The following FOXO1 variants were observed in gnomAD, a reference collection of about 807,000 sequenced individuals.
FOXO1 encodes forkhead box protein O1.
A neutral mutation model predicts 44.1 loss-of-function variants in FOXO1; 6 were observed. The ratio of observed to expected loss-of-function variants is 0.14; its 90% CI spans 0.07 to 0.27. The LOEUF (loss-of-function observed/expected upper bound fraction) is 0.27, where lower values mean the gene tolerates loss of function less well. Among genes scored for constraint, FOXO1 ranks in the 10% least tolerant of loss-of-function variants. The pLI is 1.00. For synonymous variants in FOXO1, 380 were observed against 362.7 expected (o/e 1.05, Z -0.54); for missense variants, 737 against 888.8 (o/e 0.83, Z 2.17).
chr13:40,558,025 C>T lies in FOXO1; in HGVS notation c.*1024G>A, dbSNP rs1030799429. On this transcript the variant is annotated 3_prime_UTR_variant, in exon 3 of 3. Coordinates refer to ENST00000379561, the MANE Select transcript of FOXO1 (RefSeq NM_002015.4). ...TTTCCTGCCCAACCAGGGCCTGAAA[C>T]GTTGAATATGCAAGTACTAATTACA... 3.3e-5 allele frequency: 5 copies of T among 152,604 alleles called. No individual in the cohort carries two copies. The highest frequency in any genetic ancestry group is 6.5e-5 in the Admixed American group (1 of 15,282). The allele number at this position is 152,604 out of a possible 1,614,324, so 9.5% of individuals were successfully genotyped here.
chr13:40,613,731 CA>C, intron 1 of FOXO1, among the ~76,000 whole-genome samples: 1 of 152,316 alleles, frequency 6.6e-6, no homozygotes, highest in East Asian at 1.9e-4. Context: ...GTCACTTGAA[CA>C]AACACAAGCG....
chr13:40,581,184 C>T (rs1372222029), intron 1 of FOXO1, among the ~76,000 whole-genome samples: 1 of 152,164 alleles, frequency 6.6e-6, no homozygotes, highest in Non-Finnish European at 1.5e-5. Flanking sequence ...GATCCCTTAA[C>T]CCCCTTTTTT....
At chr13:40,604,905 T>A (rs982993375) in intron 1 of FOXO1, among the ~76,000 whole-genome samples, 3 of 152,176 alleles carry the variant, frequency 2.0e-5, no homozygotes, top group African/African-American at 7.2e-5. Flanking sequence ...TTCCTCTAGT[T>A]CCCAGCCTCA....
At position 40,558,644 on chromosome 13, in the gene FOXO1, T is replaced by C. The variant is rs139933205; in HGVS notation, c.*405A>G. The C allele has an allele frequency of 5.8e-4, 227 of 392,568 alleles. 1 individual carries two copies. The highest frequency in any genetic ancestry group is 1.9e-3 in the Middle Eastern group (3 of 1,554). The allele number at this position is 392,568 out of a possible 1,614,324, so 24.3% of individuals were successfully genotyped here. On this transcript the variant is annotated 3_prime_UTR_variant, in exon 3 of 3. Transcript: ENST00000379561. Reference sequence around the variant, plus strand: ...ACAGTATTACAAAAAGAGTATAAACTTTCCTTGGACCAATTGGATATTTAG... The same window carrying C: ...ACAGTATTACAAAAAGAGTATAAACCTTCCTTGGACCAATTGGATATTTAG...
chr13:40,633,542 T>C (rs533142159), intron 1 of FOXO1, among the ~76,000 whole-genome samples: 51 of 152,322 alleles, frequency 3.3e-4, no homozygotes, highest in Non-Finnish European at 6.0e-4. Flanking sequence ...TGTAAAATGA[T>C]ACCATTTATA....
At chr13:40,559,359 CA>C in intron 2 of FOXO1, 149 bp downstream of exon 2, 1 of 678,908 alleles carries the variant, frequency 1.5e-6, no homozygotes, top group African/African-American at 1.8e-5. Flanking sequence ...CTGTAAGCTG[CA>C]AAAAGGACAG....
At chr13:40,649,301 A>T (rs1003820301) in intron 1 of FOXO1, among the ~76,000 whole-genome samples, 1 of 152,186 alleles carries the variant, frequency 6.6e-6, no homozygotes, top group Non-Finnish European at 1.5e-5. Flanking sequence ...TTCTCATTTT[A>T]TCTCTCTGAC....
intron 1 of FOXO1, among the ~76,000 whole-genome samples, chr13:40,649,174 AGGGGTT>A (rs1236925961): frequency 6.6e-6 from 1 of 152,224 alleles, no homozygotes; most frequent in African/African-American, 2.4e-5. Flanking sequence ...CTAAGTGGAA[AGGGGTT>A]GTCTTCATTT....
chr13:40,636,262 T>C (rs1877148087), intron 1 of FOXO1, among the ~76,000 whole-genome samples: 1 of 152,090 alleles, frequency 6.6e-6, no homozygotes, highest in African/African-American at 2.4e-5. Flanking sequence ...TGTTAAACAT[T>C]TGCCACACAA....
At chr13:40,591,543 G>A (rs552782421) in intron 1 of FOXO1, among the ~76,000 whole-genome samples, 11 of 152,250 alleles carry the variant, frequency 7.2e-5, no homozygotes, top group African/African-American at 2.4e-4. Flanking sequence ...CAGGTAGGGC[G>A]CCCAAGAGGG....
intron 1 of FOXO1, among the ~76,000 whole-genome samples, chr13:40,601,980 A>G (rs1259387193): frequency 6.6e-6 from 1 of 152,220 alleles, no homozygotes; most frequent in African/African-American, 2.4e-5. Context: ...TTACATATGC[A>G]TAGCTTTCAG....
intron 1 of FOXO1, among the ~76,000 whole-genome samples, chr13:40,584,781 C>A (rs967172996): frequency 3.3e-5 from 5 of 152,132 alleles, no homozygotes; most frequent in African/African-American, 1.2e-4. Context: ...ACCGAATAAG[C>A]GAGTAGTTAT....
rs1210043343 is a variant in FOXO1 at position 40,666,515 on chromosome 13, G to C, written c.-303C>G. On this transcript the variant is annotated 5_prime_UTR_variant, in exon 1 of 3. Coordinates refer to ENST00000379561, the MANE Select transcript of FOXO1 (RefSeq NM_002015.4). ...GCTCCAGCTGACAGGGCCGCGGACGGAAGGACGGACGGACGCCGCGGGCCG... is the reference window on the plus strand; with the variant it reads ...GCTCCAGCTGACAGGGCCGCGGACGCAAGGACGGACGGACGCCGCGGGCCG... The C allele has an allele frequency of 9.8e-6, 3 of 305,858 alleles. No individual in the cohort carries two copies. The East Asian group carries it at 1.5e-4, about 15-fold the overall frequency. 18.9% of individuals were successfully genotyped at this position (305,858 alleles called of 1,614,324 possible).
At chr13:40,657,235 T>C (rs1421418931) in intron 1 of FOXO1, among the ~76,000 whole-genome samples, 1 of 152,020 alleles carries the variant, frequency 6.6e-6, no homozygotes, top group East Asian at 1.9e-4. Flanking sequence ...GTAGAAAAGG[T>C]AGTAGAAATT....
At chr13:40,602,144 A>G (rs924219843) in intron 1 of FOXO1, among the ~76,000 whole-genome samples, 3 of 152,208 alleles carry the variant, frequency 2.0e-5, no homozygotes, top group Non-Finnish European at 4.4e-5. Context: ...CAAATTAAGT[A>G]GCCAATCTAT....
chr13:40,643,745 A>C (rs1877428044), intron 1 of FOXO1, among the ~76,000 whole-genome samples: 1 of 152,122 alleles, frequency 6.6e-6, no homozygotes, highest in African/African-American at 2.4e-5. Flanking sequence ...AAAAAAAAAG[A>C]AAAAGAAAAC....
At chr13:40,647,767 T>C (rs1377411657) in intron 1 of FOXO1, among the ~76,000 whole-genome samples, 1 of 152,072 alleles carries the variant, frequency 6.6e-6, no homozygotes, top group Admixed American at 6.6e-5. Flanking sequence ...GGGAAGCCAT[T>C]TTTCCCTGCT....
chr13:40,647,104 T>C (rs1419238797), intron 1 of FOXO1, among the ~76,000 whole-genome samples: 1 of 152,188 alleles, frequency 6.6e-6, no homozygotes, highest in Non-Finnish European at 1.5e-5. Flanking sequence ...TCTACATTAG[T>C]AAAGTATCTG....
intron 1 of FOXO1, among the ~76,000 whole-genome samples, chr13:40,608,321 T>C (rs770742925): frequency 9.2e-5 from 14 of 152,216 alleles, no homozygotes; most frequent in Non-Finnish European, 2.1e-4. Context: ...ACTTGAAACA[T>C]ACTCATACAG....
Sources: allele counts gnomAD v4.1 joint callset (sites outside exome capture counted in the v4.1 genomes callset), GRCh38; gene constraint gnomAD v4.1.1; transcripts MANE v1.5; gene names NCBI Gene and HGNC (gene_info 2026-07-23, HGNC 2026-07-21).